PCDH17: variants seen among roughly 807,000 people sequenced by gnomAD.
The protein encoded by PCDH17 is protocadherin-17.
A neutral mutation model predicts 67.7 loss-of-function variants in PCDH17; 21 were observed. That is an observed-to-expected ratio of 0.31 (90% confidence interval 0.22 to 0.45). The LOEUF (loss-of-function observed/expected upper bound fraction) is 0.45. Among genes scored for constraint, PCDH17 ranks in the 20% least tolerant of loss-of-function variants. PCDH17 has a pLI of 1.00. For missense variants in PCDH17, 1,471 were observed against 1,564.8 expected (o/e 0.94, Z 1.01); for synonymous variants, 701 against 656.7 (o/e 1.07, Z -1.03).
chr13:57,680,592 T>A (rs1351384882), intron 3 of PCDH17, among the ~76,000 whole-genome samples: 1 of 151,578 alleles, frequency 6.6e-6, no homozygotes, highest in Non-Finnish European at 1.5e-5. Context: ...TTTTTTTTTA[T>A]TATACTTTAA....
rs757186788 is a variant in PCDH17 at position 57,632,545 on chromosome 13, G to A, written c.-2G>A. On this transcript the variant is annotated 5_prime_UTR_variant, in exon 1 of 4. Transcript: ENST00000377918. ...CTCCTGCCCCCACCTTACAGGTCTG[G>A]GATGTACCTTTCCATCTGTTGCTGC... 1 of 1,612,714 alleles carries A rather than the reference G, an allele frequency of 6.2e-7. No homozygotes were observed. The highest frequency in any genetic ancestry group is 1.1e-5 in the South Asian group (1 of 90,908).
chr13:57,715,947 T>G (rs146617345), intron 3 of PCDH17, among the ~76,000 whole-genome samples: 1,597 of 152,086 alleles, frequency 0.011, 21 homozygotes, highest in African/African-American at 0.037. Context: ...GCAAGATTTA[T>G]GCTGGTAACA....
intron 3 of PCDH17, among the ~76,000 whole-genome samples, chr13:57,695,276 A>T (rs1955596014): frequency 1.3e-5 from 2 of 151,288 alleles, no homozygotes; most frequent in African/African-American, 2.4e-5. Flanking sequence ...TAAATAACTG[A>T]AAAAAGGAGA....
At chr13:57,630,141 T>A (rs1356942016), upstream of PCDH17, among the ~76,000 whole-genome samples, 1 of 152,134 alleles carries the variant, frequency 6.6e-6, no homozygotes, top group Non-Finnish European at 1.5e-5. Flanking sequence ...AGAGCAGGGA[T>A]CGCGAGCCCG....
chr13:57,689,465 C>G (rs1955537545), intron 3 of PCDH17, among the ~76,000 whole-genome samples: 1 of 151,894 alleles, frequency 6.6e-6, no homozygotes, highest in Non-Finnish European at 1.5e-5. Context: ...GGGAAGGACA[C>G]AATTCTTGGT....
At chr13:57,699,946 C>T (rs904647033) in intron 3 of PCDH17, among the ~76,000 whole-genome samples, 6 of 152,054 alleles carry the variant, frequency 3.9e-5, no homozygotes, top group African/African-American at 1.4e-4. Flanking sequence ...CTTGATCTTT[C>T]CTTGCCTTAT....
intron 3 of PCDH17, among the ~76,000 whole-genome samples, chr13:57,714,743 A>G (rs1955803779): frequency 6.6e-6 from 1 of 151,738 alleles, no homozygotes; most frequent in East Asian, 1.9e-4. Flanking sequence ...AAAATTACAA[A>G]GTTTTATTAA....
intron 3 of PCDH17, among the ~76,000 whole-genome samples, chr13:57,677,030 A>T (rs139097216): frequency 1.6e-4 from 24 of 152,002 alleles, no homozygotes; most frequent in Admixed American, 1.6e-3. Flanking sequence ...TCTTGTGCCC[A>T]CTATGCATAT....
chr13:57,714,852 A>G (rs942938627), intron 3 of PCDH17, among the ~76,000 whole-genome samples: 1 of 151,850 alleles, frequency 6.6e-6, no homozygotes, highest in Non-Finnish European at 1.5e-5. Flanking sequence ...GCAATGCAGT[A>G]GAAGAAAAAA....
chr13:57,718,040 A>G (rs1023660993), intron 3 of PCDH17, among the ~76,000 whole-genome samples: 1 of 151,990 alleles, frequency 6.6e-6, no homozygotes, highest in Non-Finnish European at 1.5e-5. Context: ...TAAAAAATAA[A>G]AGCAGCAAGA....
At chr13:57,665,386 AAAG>A (rs1433748213) in intron 1 of PCDH17, among the ~76,000 whole-genome samples, 1 of 152,070 alleles carries the variant, frequency 6.6e-6, no homozygotes, top group Non-Finnish European at 1.5e-5. Context: ...AAGAAGAAAA[AAAG>A]AATATCTTAT....
At chr13:57,689,844 A>C (rs1245827363) in intron 3 of PCDH17, among the ~76,000 whole-genome samples, 1 of 151,952 alleles carries the variant, frequency 6.6e-6, no homozygotes. Flanking sequence ...GGAAAAAATA[A>C]TATGTATACA....
chr13:57,666,498 A>T lies in PCDH17; in HGVS notation c.2596A>T (p.Met866Leu), dbSNP rs1399967001. The T allele has an allele frequency of 1.2e-6, 2 of 1,613,872 alleles. No individual in the cohort carries two copies. Among genetic ancestry groups the T allele is most frequent in the Non-Finnish European group, 1.7e-6 (2 of 1,179,844 alleles). Reference protein sequence around the residue: ...TDNFPAEPNYMGSRQQFVQSS... With the variant: ...TDNFPAEPNYLGSRQQFVQSS... ...CAATTTTCCCGCAGAGCCCAATTAC[A>T]TGGGCAGCAGGCAGCAGTTTGTTCA... is the stretch of plus-strand genomic sequence containing the variant. Residue 866 changes from methionine (M) to leucine (L), a missense_variant, in exon 2 of 4, where the codon ATG becomes TTG. Physicochemically the swap from Met to Leu is conservative, Grantham distance 15 (BLOSUM62 2). Coordinates refer to ENST00000377918, the MANE Select transcript of PCDH17 (RefSeq NM_001040429.3).
At chr13:57,630,200 GTTGAA>G (rs1485424844), upstream of PCDH17, among the ~76,000 whole-genome samples, 6 of 152,182 alleles carry the variant, frequency 3.9e-5, no homozygotes, top group Non-Finnish European at 8.8e-5. Flanking sequence ...TACTCCAACT[GTTGAA>G]TTGAATTTTC....
In PCDH17 at chr13:57,634,591, G is replaced by C; in HGVS notation, c.2045G>C (p.Arg682Pro). 1 of 1,613,356 alleles carries C rather than the reference G, an allele frequency of 6.2e-7. No individual in the cohort carries two copies. Among genetic ancestry groups the C allele is most frequent in the Non-Finnish European group, 8.5e-7 (1 of 1,179,988 alleles). The stretch of plus-strand genomic sequence containing the variant: ...TCCGCAGTGGCCAAGCTCATCATCC[G>C]CTCGGTGAGCGGATCCCTTCCCGAG... ...TLSAVAKLII[R>P]SVSGSLPEGV... Residue 682 changes from arginine (R) to proline (P), a missense_variant, in exon 1 of 4, where the codon CGC becomes CCC. Physicochemically the swap from Arg to Pro is moderately radical, Grantham distance 103. This residue lies in a region of PCDH17 where 1,163 missense variants were observed against 1,230.0 expected (regional missense o/e 0.95). Transcript: ENST00000377918. This position sits in a 1 kb window ranked among gnomAD's most constrained non-coding sequence, Gnocchi z 7.8.
Position 57,634,851 on chromosome 13 carries a change from C to T in PCDH17, c.2305C>T (p.Leu769=), listed in dbSNP as rs756234553. ...GAAGATCAACAAAAATGATATCATG[C>T]TGGTGCAGAGCGAAGTGGAGGAGAG... The part of the protein sequence containing the change: ...KKKINKNDIM[L]VQSEVEERNA... Residue 769 remains leucine (L), a synonymous_variant, in exon 1 of 4, where the codon CTG becomes TTG. Transcript: ENST00000377918. The surrounding 1 kb of genome is among the most constrained non-coding windows in gnomAD (Gnocchi z 7.8). 3.1e-6 allele frequency: 5 copies of T among 1,614,090 alleles called. No homozygotes were observed. The South Asian group carries it at 5.5e-5, about 18-fold the overall frequency.
upstream of PCDH17, among the ~76,000 whole-genome samples, chr13:57,630,735 T>A (rs1407974489): frequency 6.6e-6 from 1 of 152,132 alleles, no homozygotes; most frequent in Non-Finnish European, 1.5e-5. Context: ...AAAACATGAA[T>A]CTGGTTTTTC....
rs181196517 is a variant in PCDH17, at chr13:57,714,815, A to G, written c.2798-9797A>G. 2.7e-3 allele frequency among the ~76,000 whole-genome samples: 409 copies of G among 151,884 alleles called. 4 individuals are homozygous for G. Among genetic ancestry groups the G allele is most frequent in the Non-Finnish European group, 3.0e-3 (205 of 67,810 alleles). On this transcript the variant is annotated intron_variant, in intron 3 of 3. Transcript: ENST00000377918. ...GTAAGATACAGAGACAGCTCACTTA[A>G]AAGAGAAAAGTGTCTCATTCGACAC...
intron 1 of PCDH17, among the ~76,000 whole-genome samples, chr13:57,638,470 T>C (rs115905263): frequency 0.012 from 1,853 of 152,166 alleles, 39 homozygotes; most frequent in African/African-American, 0.04. Flanking sequence ...GTAGCACTAC[T>C]ACAAATCATT....
Sources: gnomAD v4.1 joint callset for allele counts (sites outside exome capture counted in the v4.1 genomes callset) on GRCh38, gnomAD v4.1.1 for gene constraint, gnomAD v4.1.1 regional missense constraint, Gnocchi (gnomAD v3.1) non-coding constraint, MANE v1.5 for transcripts, NCBI Gene and HGNC (gene_info 2026-07-23, HGNC 2026-07-21) for gene names.